ATG10: variants seen among roughly 807,000 people sequenced by gnomAD.
ATG10 encodes the protein ubiquitin-like-conjugating enzyme ATG10.
In ATG10, 30 loss-of-function variants were observed where a neutral mutation model predicts 32.1. The observed-to-expected ratio is 0.94, with a 90% CI of 0.70 to 1.27. ATG10 has a LOEUF of 1.27. Ranked by LOEUF, ATG10 falls within the 50% of genes most tolerant of loss-of-function variation. The probability of loss-of-function intolerance (pLI) is 0.00; values close to 1 mark genes in which losing one functional copy is unlikely to be tolerated. For synonymous variants in ATG10, 87 were observed against 91.5 expected (o/e 0.95, Z 0.28); for missense variants, 233 against 262.3 (o/e 0.89, Z 0.77).
chr5:82,021,031 A>G (rs143116607), intron 2 of ATG10, among the ~76,000 whole-genome samples: 196 of 152,274 alleles, frequency 1.3e-3, no homozygotes, highest in African/African-American at 4.4e-3. Flanking sequence ...AACAGAGATT[A>G]CTTCTTTTAT....
chr5:82,239,154 T>C (rs576956617), intron 5 of ATG10, among the ~76,000 whole-genome samples: 15 of 152,302 alleles, frequency 9.8e-5, no homozygotes, highest in African/African-American at 3.4e-4. Flanking sequence ...ACTTCTGCAA[T>C]GTAAAGTAGG....
intron 3 of ATG10, among the ~76,000 whole-genome samples, chr5:82,074,202 A>G (rs907158858): frequency 6.6e-6 from 1 of 152,332 alleles, no homozygotes; most frequent in Admixed American, 6.5e-5. Flanking sequence ...CACGAAGACA[A>G]CTAATTACCC....
At chr5:82,237,977 A>T (rs1365538079) in intron 5 of ATG10, among the ~76,000 whole-genome samples, 2 of 152,216 alleles carry the variant, frequency 1.3e-5, no homozygotes, top group African/African-American at 4.8e-5. Context: ...CAAGCATTAG[A>T]TCTGCCTTAA....
chr5:82,003,469 A>G (rs1274970997), intron 2 of ATG10, among the ~76,000 whole-genome samples: 1 of 152,226 alleles, frequency 6.6e-6, no homozygotes, highest in Non-Finnish European at 1.5e-5. Flanking sequence ...CCAGAATGCA[A>G]AGAAATCAAA....
At chr5:82,038,252 T>A (rs1239141663) in intron 2 of ATG10, among the ~76,000 whole-genome samples, 1 of 152,230 alleles carries the variant, frequency 6.6e-6, no homozygotes, top group African/African-American at 2.4e-5. Context: ...TTAATTCTTC[T>A]AGAATCTTCT....
At chr5:82,117,999 T>G (rs368377432) in intron 3 of ATG10, among the ~76,000 whole-genome samples, 6 of 152,166 alleles carry the variant, frequency 3.9e-5, no homozygotes, top group South Asian at 2.1e-4. Context: ...GAGAGACCAG[T>G]TGAAGAAACG....
chr5:82,218,239 C>T lies in ATG10; in HGVS notation c.454-34323C>T, dbSNP rs138693942. Among the ~76,000 whole-genome samples the T allele has an allele frequency of 1.6e-3, 238 of 152,292 alleles. 2 individuals are homozygous for T. The highest frequency in any genetic ancestry group is 5.3e-3 in the African/African-American group (222 of 41,552). ...ACAAGTTCCCTGTGGAAGTTTATAG[C>T]CCCACAGATTATCAGGGACCATTTT... On this transcript the variant is annotated intron_variant, in intron 5 of 7. Transcript: ENST00000282185.
intron 5 of ATG10, among the ~76,000 whole-genome samples, chr5:82,181,956 A>G (rs1744253789): frequency 6.6e-6 from 1 of 152,138 alleles, no homozygotes; most frequent in Non-Finnish European, 1.5e-5. Flanking sequence ...CTATTATATC[A>G]ACCCTGTAGC....
chr5:82,133,866 T>C (rs145416261), intron 3 of ATG10, among the ~76,000 whole-genome samples: 3,294 of 152,202 alleles, frequency 0.022, 58 homozygotes, highest in African/African-American at 0.045. Context: ...GGAATGTTTT[T>C]CCATTTGTTC....
chr5:82,142,024 T>C (rs555715215), intron 3 of ATG10, among the ~76,000 whole-genome samples: 98 of 152,362 alleles, frequency 6.4e-4, no homozygotes, highest in African/African-American at 2.2e-3. Flanking sequence ...TACAAAATAA[T>C]TCTCCTTCTA....
intron 2 of ATG10, among the ~76,000 whole-genome samples, chr5:82,041,924 T>A (rs1763096701): frequency 6.6e-6 from 1 of 151,358 alleles, no homozygotes; most frequent in Non-Finnish European, 1.5e-5. Context: ...AGATATTGTA[T>A]TTTTTTTTAT....
intron 3 of ATG10, among the ~76,000 whole-genome samples, chr5:82,088,263 A>G (rs576606207): frequency 1.4e-3 from 218 of 152,116 alleles, no homozygotes; most frequent in Non-Finnish European, 2.8e-3. Context: ...TTAATATGGT[A>G]TTATATGACT....
chr5:82,036,905 G>A (rs1257596820), intron 2 of ATG10, among the ~76,000 whole-genome samples: 4 of 151,634 alleles, frequency 2.6e-5, no homozygotes, highest in East Asian at 2.0e-4. Context: ...GGCAGAGGCC[G>A]GCACATCACA....
chr5:81,995,381 G>C (rs1277767693), intron 2 of ATG10, among the ~76,000 whole-genome samples: 1 of 152,106 alleles, frequency 6.6e-6, no homozygotes, highest in African/African-American at 2.4e-5. Flanking sequence ...GACCTCAAGC[G>C]ATCCGCCCAT....
Position 82,093,662 on chromosome 5 carries a change from A to G in ATG10, c.216+35060A>G, listed in dbSNP as rs1055058970. Among the ~76,000 whole-genome samples the G allele has an allele frequency of 3.7e-4, 56 of 152,212 alleles. 1 individual carries two copies. The highest frequency in any genetic ancestry group is 1.2e-3 in the African/African-American group (50 of 41,532). On this transcript the variant is annotated intron_variant, in intron 3 of 7. Transcript: ENST00000282185. ...AGCTCATATTCTTTTGCTTCTTTGC[A>G]TGTATGGTAATTTTTTATCAGATGC...
chr5:82,040,612 TAAAC>T (rs956458977), intron 2 of ATG10, among the ~76,000 whole-genome samples: 2 of 152,244 alleles, frequency 1.3e-5, no homozygotes, highest in African/African-American at 4.8e-5. Flanking sequence ...TAGTATGACT[TAAAC>T]AATTCCTAAG....
chr5:82,127,073 G>A (rs564967310), intron 3 of ATG10, among the ~76,000 whole-genome samples: 2 of 152,308 alleles, frequency 1.3e-5, no homozygotes, highest in East Asian at 3.9e-4. Context: ...TTGCATAGAG[G>A]TGTTTATAGT....
chr5:82,025,416 A>C (rs913865309), intron 2 of ATG10, among the ~76,000 whole-genome samples: 1 of 152,128 alleles, frequency 6.6e-6, no homozygotes, highest in Admixed American at 6.6e-5. Flanking sequence ...GCTAGAAGGG[A>C]AATGTCCTTC....
At chr5:82,037,958 T>A (rs1160932005) in intron 2 of ATG10, among the ~76,000 whole-genome samples, 1 of 152,214 alleles carries the variant, frequency 6.6e-6, no homozygotes, top group African/African-American at 2.4e-5. Context: ...TATTTTTAAA[T>A]ATAGTTTTTA....
Sources: gnomAD v4.1 joint callset for allele counts (sites outside exome capture counted in the v4.1 genomes callset) on GRCh38, gnomAD v4.1.1 for gene constraint, MANE v1.5 for transcripts, NCBI Gene and HGNC (gene_info 2026-07-23, HGNC 2026-07-21) for gene names.